The following GPN3 variants were observed in gnomAD, a reference collection of about 807,000 sequenced individuals.
GPN3 encodes the protein GPN-loop GTPase 3.
GPN3 carries 31 observed loss-of-function variants against 38.7 expected under a neutral mutation model. The ratio of observed to expected loss-of-function variants is 0.80; its 90% CI spans 0.60 to 1.08. The LOEUF (loss-of-function observed/expected upper bound fraction) is 1.08. Among genes scored for constraint, GPN3 ranks in the 50% least tolerant of loss-of-function variants. The probability of loss-of-function intolerance (pLI) is 0.00; values close to 1 mark genes in which losing one functional copy is unlikely to be tolerated. For synonymous variants in GPN3, 116 were observed against 120.2 expected (o/e 0.96, Z 0.23); for missense variants, 301 against 354.4 (o/e 0.85, Z 1.21).
intron 4 of GPN3, among the ~76,000 whole-genome samples, chr12:110,456,902 T>C (rs1324824305): frequency 6.6e-6 from 1 of 152,048 alleles, no homozygotes; most frequent in Non-Finnish European, 1.5e-5. Context: ...CTCACTCTGT[T>C]GCCCAAGCAG....
Position 110,468,166 on chromosome 12 carries a change from C to T in GPN3, c.38G>A (p.Gly13Asp), listed in dbSNP as rs777326098. The T allele has an allele frequency of 1.2e-6, 2 of 1,613,374 alleles. No homozygotes were observed. Among genetic ancestry groups the T allele is most frequent in the African/African-American group, 1.3e-5 (1 of 75,066 alleles). Reference protein sequence around the residue: ...RYAQLVMGPAGSGKSTYCATM... With the variant: ...RYAQLVMGPADSGKSTYCATM... ...CCCGCAGATCCTCACCTTCCCGCTG[C>T]CCGCGGGGCCCATGACCAGCTGCGC... The change falls in exon 1 of 8, where the codon GGC becomes GAC. Residue 13 changes from glycine (G) to aspartate (D), a missense_variant. Gly to Asp is a moderately conservative substitution (Grantham distance 94, BLOSUM62 -1). Coordinates refer to ENST00000228827, the MANE Select transcript of GPN3 (RefSeq NM_016301.4).
intron 7 of GPN3, 91 bp downstream of exon 7, chr12:110,453,652 T>G: frequency 2.0e-6 from 2 of 999,100 alleles, no homozygotes; most frequent in Non-Finnish European, 3.1e-6. Flanking sequence ...AAAAAACTAA[T>G]TTAAGGAGTC....
Position 110,457,578 on chromosome 12 carries a change from C to T in GPN3, c.382G>A (p.Glu128Lys), listed in dbSNP as rs754450751. 9 of 1,610,404 alleles carry T rather than the reference C, an allele frequency of 5.6e-6. No homozygotes were observed. In the East Asian group the frequency reaches 8.9e-5, roughly 16 times the overall value. ...PVMKQLVQQL[E>K]QWEFRVCGVF... ...CCACAGACTCGGAACTCCCACTGCT[C>T]GAGCTGCTGGACCAGCTGTTTCATC... The change falls in exon 4 of 8, where the codon GAG becomes AAG. Residue 128 changes from glutamate (E) to lysine (K), a missense_variant. By Grantham distance (56) the Glu-to-Lys change is moderately conservative. Coordinates refer to ENST00000228827, the MANE Select transcript of GPN3 (RefSeq NM_016301.4).
chr12:110,460,802 T>C (rs11610402), intron 2 of GPN3, among the ~76,000 whole-genome samples: 4 of 152,092 alleles, frequency 2.6e-5, no homozygotes, highest in Admixed American at 6.6e-5. Context: ...CCATCTCTAC[T>C]AAAAATACAA....
intron 1 of GPN3, among the ~76,000 whole-genome samples, chr12:110,467,727 C>G (rs574914842): frequency 3.3e-4 from 50 of 152,260 alleles, no homozygotes; most frequent in African/African-American, 1.2e-3. Context: ...AGTCCATGTC[C>G]CAAGTTCTGA....
chr12:110,462,779 C>T (rs568175570), intron 2 of GPN3, among the ~76,000 whole-genome samples: 9 of 150,004 alleles, frequency 6.0e-5, no homozygotes, highest in East Asian at 2.0e-4. Context: ...TTTTTTGAGA[C>T]GGAGTCTCGC....
At chr12:110,461,042 G>T in intron 2 of GPN3, 2 of 1,589,760 alleles carry the variant, frequency 1.3e-6, no homozygotes, top group Non-Finnish European at 1.7e-6. Flanking sequence ...TGCCATCAAC[G>T]AAGTGGTAAC....
In GPN3 at chr12:110,457,522, C is replaced by T. The variant is rs2062558961; in HGVS notation, c.438G>A (p.Val146=). ...TTTAGCTTCAGACCTTGAATGACTC[C>T]ACCATGAACTGAGAATCAACAAGAA... The part of the protein sequence containing the change: ...GVFLVDSQFM[V]ESFKFISGIL... Residue 146 remains valine (V), a synonymous_variant, in exon 4 of 8, where the codon GTG becomes GTA. Coordinates refer to ENST00000228827, the MANE Select transcript of GPN3 (RefSeq NM_016301.4). 1 of 1,587,604 alleles carries T rather than the reference C, an allele frequency of 6.3e-7. No homozygotes were observed. The highest frequency in any genetic ancestry group is 8.6e-7 in the Non-Finnish European group (1 of 1,166,412).
chr12:110,459,954 A>C, intron 2 of GPN3, 92 bp from the exon 3 acceptor site: 1 of 1,054,032 alleles, frequency 9.5e-7, no homozygotes, highest in Non-Finnish European at 1.4e-6. Context: ...ATAATTACAT[A>C]AAAAACCCAT....
upstream of GPN3, chr12:110,468,396 C>G: frequency 6.6e-7 from 1 of 1,526,486 alleles, no homozygotes; most frequent in Non-Finnish European, 8.8e-7. Flanking sequence ...AGGGGAGGGG[C>G]GAGGGAGAGG....
intron 3 of GPN3, 66 bp downstream of exon 3, chr12:110,459,629 T>C (rs1487149519): frequency 1.4e-5 from 15 of 1,072,010 alleles, no homozygotes; most frequent in Non-Finnish European, 2.1e-5. Context: ...TCACTCTCCT[T>C]TCTCCTACTA....
intron 3 of GPN3, among the ~76,000 whole-genome samples, chr12:110,459,328 C>T (rs1017622627): frequency 6.6e-6 from 1 of 151,752 alleles, no homozygotes; most frequent in South Asian, 2.1e-4. Context: ...GCAAGCTCCA[C>T]CTCCCAGGTT....
rs750088340 is a variant in GPN3, at chr12:110,455,892, G to C, written c.489C>G (p.Ile163Met). 6.2e-7 allele frequency: 1 copy of C among 1,608,842 alleles called. No homozygotes were observed. The highest frequency in any genetic ancestry group is 8.5e-7 in the Non-Finnish European group (1 of 1,175,284). ...TGTTGACTTGCGGAATTTCTAGAGA[G>C]ATCATGGCACTCAGGGCTGCCAAGA... ...SGILAALSAM[I>M]SLEIPQVNIM... is the part of the protein sequence containing the mutation. Residue 163 changes from isoleucine to methionine, a missense_variant, in exon 5 of 8, where the codon ATC becomes ATG. Ile to Met is a conservative substitution (Grantham distance 10). Coordinates refer to ENST00000228827, the MANE Select transcript of GPN3 (RefSeq NM_016301.4).
chr12:110,463,462 C>T (rs558009588), intron 2 of GPN3, among the ~76,000 whole-genome samples: 1 of 150,284 alleles, frequency 6.7e-6, no homozygotes, highest in South Asian at 2.1e-4. Flanking sequence ...AAAAACAAAA[C>T]GACAACAACA....
upstream of GPN3, chr12:110,468,565 C>A (rs989525377): frequency 2.0e-6 from 3 of 1,537,148 alleles, no homozygotes; most frequent in Non-Finnish European, 2.6e-6. Flanking sequence ...TGTATGGTGA[C>A]CCTCGCGATT....
At chr12:110,468,436 A>C (rs371920163), upstream of GPN3, 67 of 1,535,304 alleles carry the variant, frequency 4.4e-5, 1 homozygote, top group African/African-American at 8.8e-4. Flanking sequence ...TAGTTGATGG[A>C]AATCGGCCGT....
Position 110,461,036 on chromosome 12 carries a change from A to G in GPN3, c.158-1174T>C. The G allele has an allele frequency of 8.8e-6, 14 of 1,589,954 alleles. No homozygotes were observed. In the South Asian group the frequency reaches 1.5e-4, roughly 18 times the overall value. On this transcript the variant is annotated intron_variant, in intron 2 of 7. Coordinates refer to ENST00000228827, the MANE Select transcript of GPN3 (RefSeq NM_016301.4). ...CGAGAAGAAAAAGGGCCATTCTGCC[A>G]TCAACGAAGTGGTAACCCGAGAATA...
intron 1 of GPN3, 180 bp downstream of exon 1, chr12:110,467,976 C>G: frequency 2.3e-6 from 2 of 851,630 alleles, no homozygotes; most frequent in South Asian, 2.8e-5. Flanking sequence ...ATATTAACAA[C>G]TACCATTATT....
chr12:110,462,482 A>G (rs1385236007), intron 2 of GPN3, among the ~76,000 whole-genome samples: 1 of 152,182 alleles, frequency 6.6e-6, no homozygotes, highest in African/African-American at 2.4e-5. Context: ...CTGTTAATTC[A>G]ACTTGCAAAA....
Sources: allele counts gnomAD v4.1 joint callset (sites outside exome capture counted in the v4.1 genomes callset), GRCh38; gene constraint gnomAD v4.1.1; transcripts MANE v1.5; gene names NCBI Gene and HGNC (gene_info 2026-07-23, HGNC 2026-07-21).